GNG12: variants seen among roughly 807,000 people sequenced by gnomAD.
GNG12 encodes guanine nucleotide-binding protein G(I)/G(S)/G(O) subunit gamma-12.
For synonymous variants in GNG12, 28 were observed against 29.7 expected (o/e 0.94, Z 0.19); for missense variants, 69 against 83.8 (o/e 0.82, Z 0.69).
At chr1:67,752,511 T>C (rs111894011) in intron 2 of GNG12, among the ~76,000 whole-genome samples, 1 of 152,234 alleles carries the variant, frequency 6.6e-6, no homozygotes, top group African/African-American at 2.4e-5. Context: ...ACATGTGGCA[T>C]GGAGGTTGCC....
In GNG12 at chr1:67,774,056, G is replaced by A. The variant is rs192522183; in HGVS notation, c.-27+3402C>T. 2.9e-4 allele frequency among the ~76,000 whole-genome samples: 44 copies of A among 152,202 alleles called. No homozygotes were observed. In the South Asian group the frequency reaches 3.5e-3, roughly 12 times the overall value. On this transcript the variant is annotated intron_variant, in intron 2 of 3. Transcript: ENST00000370982. ...TTGTTTTACCTACAGAGATGTTGTC[G>A]GCCACTCTGTGTGGCATTATCTTTA...
At position 67,765,109 on chromosome 1, in the gene GNG12, T is replaced by C. The variant is rs1362515866; in HGVS notation, c.-27+12349A>G. On this transcript the variant is annotated intron_variant, in intron 2 of 3. Coordinates refer to ENST00000370982, the MANE Select transcript of GNG12 (RefSeq NM_018841.6). ...ACAAAATATATAAGAATATTATCAA[T>C]AGTCATTAGATGCCCCTGTCAAGCA... Among the ~76,000 whole-genome samples, 7 of 152,120 alleles carry C rather than the reference T, an allele frequency of 4.6e-5. No individual in the cohort carries two copies. In the East Asian group the frequency reaches 1.3e-3, roughly 29 times the overall value.
rs529680549 is a variant in GNG12 at position 67,791,614 on chromosome 1, C to G, written c.-76-14107G>C. ...CTCCTTTCTCACCAACTGCATATCC[C>G]ATCAATCAGCAAATCCTGTCAGCCC... On this transcript the variant is annotated intron_variant, in intron 1 of 3. Transcript: ENST00000370982. Among the ~76,000 whole-genome samples, 72 of 152,226 alleles carry G rather than the reference C, an allele frequency of 4.7e-4. 1 individual carries two copies. In the South Asian group the frequency reaches 0.014, roughly 30 times the overall value.
intron 1 of GNG12, among the ~76,000 whole-genome samples, chr1:67,781,134 G>C (rs1389358575): frequency 6.6e-6 from 1 of 152,180 alleles, no homozygotes; most frequent in African/African-American, 2.4e-5. Flanking sequence ...TCTCTAGCCT[G>C]GTCAGAGATT....
rs922222775 is a variant in GNG12 at position 67,704,878 on chromosome 1, T to C, written c.*573A>G. The C allele has an allele frequency of 3.3e-5, 5 of 152,272 alleles. No homozygotes were observed. Among genetic ancestry groups the C allele is most frequent in the Admixed American group, 6.5e-5 (1 of 15,284 alleles). The allele number at this position is 152,272 out of a possible 1,614,324, so 9.4% of individuals were successfully genotyped here. On this transcript the variant is annotated 3_prime_UTR_variant, in exon 4 of 4. Coordinates refer to ENST00000370982, the MANE Select transcript of GNG12 (RefSeq NM_018841.6). ...TGAAAGGAATTTTTTATTCTACCTA[T>C]ACACAGCTCAAAATAAAGGTATAAC... is the stretch of plus-strand genomic sequence containing the variant.
intron 1 of GNG12, among the ~76,000 whole-genome samples, chr1:67,795,899 A>G (rs547658383): frequency 6.6e-6 from 1 of 152,368 alleles, no homozygotes; most frequent in Non-Finnish European, 1.5e-5. Flanking sequence ...ATGCAAAAAT[A>G]TGCACATGGA....
chr1:67,805,553 G>C (rs1646890185), intron 1 of GNG12, among the ~76,000 whole-genome samples: 1 of 152,106 alleles, frequency 6.6e-6, no homozygotes, highest in African/African-American at 2.4e-5. Flanking sequence ...AGACTGAACA[G>C]GGCTGAGGAA....
At chr1:67,810,836 T>C (rs1646920529) in intron 1 of GNG12, among the ~76,000 whole-genome samples, 2 of 152,218 alleles carry the variant, frequency 1.3e-5, no homozygotes, top group African/African-American at 2.4e-5. Context: ...TGAAACTCAC[T>C]ATGTCTCAGT....
At chr1:67,792,157 C>T (rs1646805001) in intron 1 of GNG12, among the ~76,000 whole-genome samples, 1 of 152,174 alleles carries the variant, frequency 6.6e-6, no homozygotes, top group African/African-American at 2.4e-5. Context: ...CCCTTCCTGG[C>T]ACTCTATTTT....
At chr1:67,804,778 T>C (rs1557623321) in intron 1 of GNG12, among the ~76,000 whole-genome samples, 1 of 151,776 alleles carries the variant, frequency 6.6e-6, no homozygotes, top group African/African-American at 2.4e-5. Flanking sequence ...AACAAATTGC[T>C]AGAGACTTCG....
chr1:67,725,850 G>A (rs955381988), intron 2 of GNG12, among the ~76,000 whole-genome samples: 2 of 152,156 alleles, frequency 1.3e-5, no homozygotes, highest in African/African-American at 4.8e-5. Flanking sequence ...ATTATTTCAA[G>A]TTCATTAAAA....
chr1:67,737,665 T>C (rs190303371), intron 2 of GNG12, among the ~76,000 whole-genome samples: 1 of 152,310 alleles, frequency 6.6e-6, no homozygotes, highest in Non-Finnish European at 1.5e-5. Context: ...AAGATAGCTG[T>C]CTTTTTGGAG....
intron 1 of GNG12, among the ~76,000 whole-genome samples, chr1:67,803,552 A>C (rs1646878580): frequency 6.6e-6 from 1 of 152,158 alleles, no homozygotes; most frequent in African/African-American, 2.4e-5. Flanking sequence ...CCCTTTCTTC[A>C]TGGGTGAGCC....
chr1:67,806,325 A>G (rs770984034), intron 1 of GNG12, among the ~76,000 whole-genome samples: 8 of 152,222 alleles, frequency 5.3e-5, no homozygotes, highest in Non-Finnish European at 1.0e-4. Flanking sequence ...TTATGTGCAT[A>G]CATACAATTG....
intron 2 of GNG12, among the ~76,000 whole-genome samples, chr1:67,754,502 C>T (rs552354333): frequency 5.3e-5 from 8 of 152,274 alleles, no homozygotes; most frequent in African/African-American, 1.9e-4. Flanking sequence ...CCCACTGCCC[C>T]ACCCTAGTTG....
At chr1:67,766,639 T>G (rs1018367641) in intron 2 of GNG12, among the ~76,000 whole-genome samples, 76 of 149,190 alleles carry the variant, frequency 5.1e-4, no homozygotes, top group African/African-American at 1.8e-3. Context: ...AATTTTCCAC[T>G]GGGGAAATTC....
chr1:67,745,446 G>C (rs1646502724), intron 2 of GNG12, among the ~76,000 whole-genome samples: 1 of 152,222 alleles, frequency 6.6e-6, no homozygotes, highest in African/African-American at 2.4e-5. Flanking sequence ...CCGGTGACCA[G>C]GCAGCATGGC....
intron 2 of GNG12, among the ~76,000 whole-genome samples, chr1:67,720,050 C>T (rs551206941): frequency 6.6e-6 from 1 of 152,342 alleles, no homozygotes; most frequent in African/African-American, 2.4e-5. Flanking sequence ...CTACAAGTAT[C>T]CCGTGAAATA....
rs539071081 is a variant in GNG12, at chr1:67,710,232, T to TTATATATATATAGTTA, written c.-26-2521_-26-2520insTAACTATATATATATA. Among the ~76,000 whole-genome samples, 88 of 101,392 alleles carry TTATATATATATAGTTA rather than the reference T, an allele frequency of 8.7e-4. 6 individuals are homozygous for TTATATATATATAGTTA. Among genetic ancestry groups the TTATATATATATAGTTA allele is most frequent in the African/African-American group, 3.5e-3 (83 of 23,524 alleles). 66.5% of individuals were successfully genotyped at this position (101,392 alleles called of 152,430 possible). ...TATATATATAGTTATATATATATAG[T>TTATATATATATAGTTA]TATATATATAGTTATATATATATAT... On this transcript the variant is annotated intron_variant, in intron 2 of 3. Transcript: ENST00000370982.
Sources: allele counts gnomAD v4.1 joint callset (sites outside exome capture counted in the v4.1 genomes callset), GRCh38; gene constraint gnomAD v4.1.1; transcripts MANE v1.5; gene names NCBI Gene and HGNC (gene_info 2026-07-23, HGNC 2026-07-21).